The following VAV3 variants were observed in gnomAD, a reference collection of about 807,000 sequenced individuals.
VAV3 encodes the protein vav guanine nucleotide exchange factor 3.
VAV3 carries 94 observed loss-of-function variants against 131.2 expected under a neutral mutation model. The ratio of observed to expected loss-of-function variants is 0.72; its 90% confidence interval spans 0.61 to 0.85. VAV3 has a LOEUF of 0.85. Among genes scored for constraint, VAV3 ranks in the 40% least tolerant of loss-of-function variants. The pLI, the probability that VAV3 is intolerant of heterozygous loss-of-function variation, is 0.00. For synonymous variants in VAV3, 349 were observed against 342.0 expected, an observed-to-expected ratio of 1.02 and a Z score of -0.22; for missense variants, 939 against 1,002.7, an observed-to-expected ratio of 0.94 and a Z score of 0.86.
chr1:107,822,666 AAAT>A (rs1667848502), intron 2 of VAV3, among the ~76,000 whole-genome samples: 6 of 53,198 alleles, frequency 1.1e-4, no homozygotes, highest in South Asian at 7.2e-4. Context: ...AAAAATAAAT[AAAT>A]AAATAAATAA....
At chr1:107,724,063 A>C (rs1315144307) in intron 15 of VAV3, among the ~76,000 whole-genome samples, 1 of 152,160 alleles carries the variant, frequency 6.6e-6, no homozygotes, top group South Asian at 2.1e-4. Context: ...TCTTAACCCA[A>C]TATTAAGGAG....
intron 20 of VAV3, among the ~76,000 whole-genome samples, chr1:107,629,374 G>T (rs1654270015): frequency 6.6e-6 from 1 of 152,086 alleles, no homozygotes; most frequent in Non-Finnish European, 1.5e-5. Flanking sequence ...ATTTCTTCCA[G>T]CATGAAGGAT....
intron 2 of VAV3, among the ~76,000 whole-genome samples, chr1:107,814,428 G>C (rs549848557): frequency 3.3e-5 from 5 of 152,088 alleles, no homozygotes; most frequent in Admixed American, 6.5e-5. Context: ...TCATGTTCCT[G>C]TTGGCCATTT....
chr1:107,655,061 T>C (rs867634615), intron 19 of VAV3, among the ~76,000 whole-genome samples: 11 of 152,094 alleles, frequency 7.2e-5, no homozygotes, highest in Admixed American at 3.9e-4. Flanking sequence ...CTTTTATTTC[T>C]GCCTCATTTC....
intron 19 of VAV3, among the ~76,000 whole-genome samples, chr1:107,656,618 A>C (rs542348294): frequency 1.2e-4 from 19 of 152,336 alleles, no homozygotes; most frequent in Non-Finnish European, 2.6e-4. Flanking sequence ...AAATGTTCCA[A>C]GCATAAAGAA....
At position 107,804,588 on chromosome 1, in the gene VAV3, A is replaced by G. The variant is rs74820090; in HGVS notation, c.322-25096T>C. ...GTTTTCTCAATTTACACATTTTTGT[A>G]TTGACTATCTCAACAGGTTTCTGTA... is the stretch of plus-strand genomic sequence containing the variant. On this transcript the variant is annotated intron_variant, in intron 2 of 26. Transcript: ENST00000370056. 7.4e-3 allele frequency among the ~76,000 whole-genome samples: 1,127 copies of G among 152,250 alleles called. 10 individuals are homozygous for G. The highest frequency in any genetic ancestry group is 0.025 in the African/African-American group (1,046 of 41,562).
chr1:107,657,426 C>A (rs1471532340), intron 19 of VAV3, among the ~76,000 whole-genome samples: 1 of 152,126 alleles, frequency 6.6e-6, no homozygotes, highest in Admixed American at 6.6e-5. Flanking sequence ...AATGTTATGG[C>A]CTATGTTCTC....
chr1:107,903,065 C>T (rs542111852), intron 1 of VAV3, among the ~76,000 whole-genome samples: 1 of 152,016 alleles, frequency 6.6e-6, no homozygotes, highest in South Asian at 2.1e-4. Context: ...GTATCTCCAG[C>T]CTTCTCAACA....
chr1:107,819,726 C>A (rs945662920), intron 2 of VAV3, among the ~76,000 whole-genome samples: 1 of 152,052 alleles, frequency 6.6e-6, no homozygotes, highest in Non-Finnish European at 1.5e-5. Context: ...AAATACTCTT[C>A]CTTCAAACTG....
intron 2 of VAV3, among the ~76,000 whole-genome samples, chr1:107,811,114 G>A (rs1438082013): frequency 6.6e-6 from 1 of 152,100 alleles, no homozygotes; most frequent in Non-Finnish European, 1.5e-5. Context: ...GACACAGAAG[G>A]CACAGAGAAG....
At chr1:107,635,847 C>T (rs765707690) in intron 20 of VAV3, among the ~76,000 whole-genome samples, 3 of 152,090 alleles carry the variant, frequency 2.0e-5, no homozygotes, top group Non-Finnish European at 2.9e-5. Context: ...GACTCTTGGC[C>T]GGAATTCCTA....
intron 1 of VAV3, among the ~76,000 whole-genome samples, chr1:107,889,104 G>A (rs1470060649): frequency 6.8e-6 from 1 of 147,290 alleles, no homozygotes; most frequent in Non-Finnish European, 1.5e-5. Context: ...TTGCATCCAG[G>A]ACTTTTGTTC....
intron 19 of VAV3, among the ~76,000 whole-genome samples, chr1:107,652,847 T>C (rs1294333827): frequency 6.6e-6 from 1 of 152,154 alleles, no homozygotes; most frequent in African/African-American, 2.4e-5. Context: ...AAAATAAAAT[T>C]GTTTTTGACA....
At position 107,617,361 on chromosome 1, in the gene VAV3, A is replaced by C. The variant is rs1653236941; in HGVS notation, c.1980+206T>G. On this transcript the variant is annotated intron_variant, in intron 21 of 26. Transcript: ENST00000370056. Reference sequence around the variant, plus strand: ...TAGTTATATAAATTCTACTAAGTAAAATTTGCCTCTTCTATATATTTTCTT... The same window carrying C: ...TAGTTATATAAATTCTACTAAGTAACATTTGCCTCTTCTATATATTTTCTT... Among the ~76,000 whole-genome samples the C allele has an allele frequency of 2.0e-5, 3 of 152,252 alleles. No individual in the cohort carries two copies. The South Asian group carries it at 6.2e-4, about 32-fold the overall frequency.
intron 2 of VAV3, among the ~76,000 whole-genome samples, chr1:107,873,785 G>A (rs1186282890): frequency 2.0e-5 from 3 of 152,080 alleles, no homozygotes; most frequent in African/African-American, 7.2e-5. Context: ...AAGCTGGCAG[G>A]CAGCCTGATG....
At chr1:107,707,570 T>G (rs1260819605) in intron 15 of VAV3, among the ~76,000 whole-genome samples, 1 of 152,190 alleles carries the variant, frequency 6.6e-6, no homozygotes, top group African/African-American at 2.4e-5. Context: ...CCTTTTTAGG[T>G]CTGTGACCAA....
intron 2 of VAV3, among the ~76,000 whole-genome samples, chr1:107,791,803 G>A (rs1388961455): frequency 6.6e-6 from 1 of 152,114 alleles, no homozygotes; most frequent in African/African-American, 2.4e-5. Flanking sequence ...ATTATTGAGT[G>A]CTTATGATTA....
chr1:107,650,540 T>C (rs949912308), intron 19 of VAV3, among the ~76,000 whole-genome samples: 12 of 150,230 alleles, frequency 8.0e-5, no homozygotes, highest in African/African-American at 2.7e-4. Context: ...TAAATTTTTA[T>C]TTTATTATTT....
At chr1:107,839,871 C>T (rs949188514) in intron 2 of VAV3, among the ~76,000 whole-genome samples, 2 of 151,974 alleles carry the variant, frequency 1.3e-5, no homozygotes, top group African/African-American at 2.4e-5. Flanking sequence ...GACACTGAAA[C>T]GATAACAAGG....
Sources: gnomAD v4.1 joint callset for allele counts (sites outside exome capture counted in the v4.1 genomes callset) on GRCh38, gnomAD v4.1.1 for gene constraint, MANE v1.5 for transcripts, NCBI Gene and HGNC (gene_info 2026-07-23, HGNC 2026-07-21) for gene names.